The following RNLS variants were observed in gnomAD, a reference collection of about 807,000 sequenced individuals.
The protein encoded by RNLS is renalase.
A neutral mutation model predicts 39.8 loss-of-function variants in RNLS; 39 were observed. That is an observed-to-expected ratio of 0.98 (90% confidence interval 0.76 to 1.28). The LOEUF (loss-of-function observed/expected upper bound fraction) is 1.28. Among genes scored for constraint, RNLS ranks in the 50% most tolerant of loss-of-function variants. RNLS has a pLI of 0.00. For missense variants in RNLS, 410 were observed against 413.3 expected, an observed-to-expected ratio of 0.99 and a Z score of 0.07; for synonymous variants, 147 against 150.7, an observed-to-expected ratio of 0.98 and a Z score of 0.18.
intron 5 of RNLS, among the ~76,000 whole-genome samples, chr10:88,334,306 G>A (rs566117646): frequency 6.6e-6 from 1 of 152,254 alleles, no homozygotes; most frequent in South Asian, 2.1e-4. Flanking sequence ...ATGTATGAGT[G>A]TGGCATTTTT....
chr10:88,530,803 T>G (rs1162256079), intron 4 of RNLS, among the ~76,000 whole-genome samples: 1 of 152,164 alleles, frequency 6.6e-6, no homozygotes, highest in Admixed American at 6.6e-5. Flanking sequence ...AAATATGGCT[T>G]TGATTCTGGC....
chr10:88,413,156 C>T (rs1853799205), intron 4 of RNLS, among the ~76,000 whole-genome samples: 1 of 152,118 alleles, frequency 6.6e-6, no homozygotes, highest in Admixed American at 6.6e-5. Context: ...CACTCAAAAG[C>T]TTCCAGATAC....
chr10:88,177,769 G>A, the RNLS span, among the ~76,000 whole-genome samples: 15 of 152,302 alleles, frequency 9.8e-5, no homozygotes, highest in South Asian at 2.1e-3. Context: ...GTTCTATAGT[G>A]TAGGTTGGGT....
At chr10:88,367,155 A>G (rs957336687) in intron 4 of RNLS, among the ~76,000 whole-genome samples, 1 of 152,108 alleles carries the variant, frequency 6.6e-6, no homozygotes, top group African/African-American at 2.4e-5. Flanking sequence ...AAGTGAACAC[A>G]TCTGTAAAAC....
At chr10:88,198,128 C>G in the RNLS span, among the ~76,000 whole-genome samples, 3 of 152,356 alleles carry the variant, frequency 2.0e-5, no homozygotes, top group South Asian at 2.1e-4. Flanking sequence ...GCAGCCCCAC[C>G]CCAGGCCCTG....
intron 4 of RNLS, among the ~76,000 whole-genome samples, chr10:88,494,686 A>T (rs941904056): frequency 6.6e-6 from 1 of 152,126 alleles, no homozygotes; most frequent in Admixed American, 6.5e-5. Context: ...TCAGAAGAGG[A>T]TTAGAGTTGG....
intron 4 of RNLS, among the ~76,000 whole-genome samples, chr10:88,386,920 G>A (rs990431509): frequency 2.6e-5 from 4 of 152,204 alleles, no homozygotes; most frequent in Non-Finnish European, 5.9e-5. Context: ...GTAAAGCCCA[G>A]TGAGGTTCCA....
At chr10:88,479,567 T>C (rs987343114) in intron 4 of RNLS, among the ~76,000 whole-genome samples, 1 of 152,162 alleles carries the variant, frequency 6.6e-6, no homozygotes, top group Non-Finnish European at 1.5e-5. Flanking sequence ...AGTATCATCA[T>C]CATCATCATC....
the RNLS span, among the ~76,000 whole-genome samples, chr10:88,186,221 G>A: frequency 1.3e-5 from 2 of 152,200 alleles, no homozygotes; most frequent in Non-Finnish European, 2.9e-5. Context: ...TTCTGGCGCT[G>A]GGGTTCAGGG....
At chr10:88,178,274 C>T in the RNLS span, among the ~76,000 whole-genome samples, 1 of 152,122 alleles carries the variant, frequency 6.6e-6, no homozygotes, top group Non-Finnish European at 1.5e-5. Flanking sequence ...TTATTGGGCC[C>T]TCTGTCAGGT....
intron 4 of RNLS, among the ~76,000 whole-genome samples, chr10:88,562,906 T>C (rs1439112772): frequency 6.6e-6 from 1 of 152,186 alleles, no homozygotes; most frequent in East Asian, 1.9e-4. Flanking sequence ...AGGTATATTG[T>C]TCTCTGGAAA....
At chr10:88,409,048 T>C (rs953129583) in intron 4 of RNLS, among the ~76,000 whole-genome samples, 1 of 152,156 alleles carries the variant, frequency 6.6e-6, no homozygotes, top group African/African-American at 2.4e-5. Flanking sequence ...CAAATTATGT[T>C]AAGGAAATTA....
rs116593984 is a variant in RNLS at position 88,345,117 on chromosome 10, C to G, written c.700+17435G>C. ...AATAAACCAAAGGACTCTTTAGGCT[C>G]AATTTACTCAATAATGTCACATCTG... On this transcript the variant is annotated intron_variant, in intron 5 of 6. Coordinates refer to ENST00000331772, the MANE Select transcript of RNLS (RefSeq NM_001031709.3). Among the ~76,000 whole-genome samples the G allele has an allele frequency of 6.9e-3, 1,043 of 152,182 alleles. 15 individuals carry two copies. Among genetic ancestry groups the G allele is most frequent in the African/African-American group, 0.023 (951 of 41,524 alleles).
rs1480770471 is a variant in RNLS at position 88,542,589 on chromosome 10, G to A, written c.526+30314C>T. The stretch of plus-strand genomic sequence containing the variant: ...CCAGATTCGATTGCTAGGAAGAGAT[G>A]GGACAATTCCAGTCAGTATAAATCA... On this transcript the variant is annotated intron_variant, in intron 4 of 6. Transcript: ENST00000331772. 2.0e-5 allele frequency among the ~76,000 whole-genome samples: 3 copies of A among 152,068 alleles called. No individual in the cohort carries two copies. The East Asian group carries it at 5.8e-4, about 29-fold the overall frequency.
chr10:88,338,822 C>T (rs1847708072), intron 5 of RNLS, among the ~76,000 whole-genome samples: 2 of 135,804 alleles, frequency 1.5e-5, no homozygotes, highest in Admixed American at 1.7e-4. Context: ...AGTGCAGTGG[C>T]GCGATCTCGG....
chr10:88,334,135 A>G (rs1198048076), intron 5 of RNLS, among the ~76,000 whole-genome samples: 4 of 152,206 alleles, frequency 2.6e-5, no homozygotes, highest in Admixed American at 6.5e-5. Flanking sequence ...GGGTAAGCAT[A>G]TTTAAAATTA....
At chr10:88,523,964 T>C (rs1846920384) in intron 4 of RNLS, among the ~76,000 whole-genome samples, 1 of 152,136 alleles carries the variant, frequency 6.6e-6, no homozygotes, top group Non-Finnish European at 1.5e-5. Context: ...TTGAACAATA[T>C]TATATCTGGT....
chr10:88,465,821 AT>A (rs1843171844), intron 4 of RNLS, among the ~76,000 whole-genome samples: 1 of 152,114 alleles, frequency 6.6e-6, no homozygotes, highest in Non-Finnish European at 1.5e-5. Context: ...CAAAGGAAAT[AT>A]TACTCTTAAT....
intron 6 of RNLS, among the ~76,000 whole-genome samples, chr10:88,300,312 G>T (rs1844420758): frequency 6.6e-6 from 1 of 152,162 alleles, no homozygotes; most frequent in Non-Finnish European, 1.5e-5. Context: ...GAGAAAGAGA[G>T]ACTGTCTAAT....
Sources: gnomAD v4.1 joint callset for allele counts (sites outside exome capture counted in the v4.1 genomes callset) on GRCh38, gnomAD v4.1.1 for gene constraint, MANE v1.5 for transcripts, NCBI Gene and HGNC (gene_info 2026-07-23, HGNC 2026-07-21) for gene names.